Variants in HIVEP2 observed in about 807,000 individuals in gnomAD.
HIVEP2 encodes transcription factor HIVEP2.
Under a neutral mutation model 180.7 loss-of-function variants are expected in HIVEP2, and 14 were observed. That is an observed-to-expected ratio of 0.08 (90% confidence interval 0.05 to 0.12). The LOEUF (loss-of-function observed/expected upper bound fraction) is 0.12. Among genes scored for constraint, HIVEP2 ranks in the 10% least tolerant of loss-of-function variants. The pLI, the probability that HIVEP2 is intolerant of heterozygous loss-of-function variation, is 1.00. For missense variants in HIVEP2, 2,579 were observed against 3,008.5 expected (o/e 0.86, Z 3.34); for synonymous variants, 1,184 against 1,136.4 (o/e 1.04, Z -0.84).
At chr6:142,768,753 A>G (rs1392630995) in intron 5 of HIVEP2, among the ~76,000 whole-genome samples, 2 of 149,892 alleles carry the variant, frequency 1.3e-5, no homozygotes, top group Non-Finnish European at 2.9e-5. Context: ...ATATATAATA[A>G]GTACATATAT....
intron 2 of HIVEP2, among the ~76,000 whole-genome samples, chr6:142,798,263 C>A (rs745473255): frequency 6.6e-6 from 1 of 150,876 alleles, no homozygotes; most frequent in Non-Finnish European, 1.5e-5. Flanking sequence ...AGTGAGACTT[C>A]GTCTCAAAAA....
At chr6:142,790,485 T>A (rs1206011042) in intron 2 of HIVEP2, among the ~76,000 whole-genome samples, 1 of 152,168 alleles carries the variant, frequency 6.6e-6, no homozygotes, top group Admixed American at 6.5e-5. Context: ...GCAAAAAAGG[T>A]GTATTTGACT....
At chr6:142,877,024 G>T (rs1315921725) in intron 1 of HIVEP2, among the ~76,000 whole-genome samples, 1 of 152,180 alleles carries the variant, frequency 6.6e-6, no homozygotes, top group Non-Finnish European at 1.5e-5. Context: ...ACTCCAGGGG[G>T]TGCAACAGAG....
chr6:142,794,049 T>C (rs900497154), intron 2 of HIVEP2: 1 of 152,124 alleles, frequency 6.6e-6, no homozygotes, highest in Non-Finnish European at 1.5e-5. Context: ...CAGGAAGAAT[T>C]TTATTTTTAT....
At chr6:142,937,589 C>A (rs1165591229) in intron 1 of HIVEP2, among the ~76,000 whole-genome samples, 1 of 152,156 alleles carries the variant, frequency 6.6e-6, no homozygotes, top group Non-Finnish European at 1.5e-5. Flanking sequence ...ACCTGTTTAT[C>A]CATATACTAC....
chr6:142,754,967 G>A (rs1323073321), intron 9 of HIVEP2, among the ~76,000 whole-genome samples: 1 of 152,060 alleles, frequency 6.6e-6, no homozygotes, highest in South Asian at 2.1e-4. Flanking sequence ...CATCTAAAAA[G>A]GACTTCATTT....
chr6:142,892,320 A>T (rs568261508), intron 1 of HIVEP2, among the ~76,000 whole-genome samples: 44 of 152,296 alleles, frequency 2.9e-4, no homozygotes, highest in African/African-American at 9.6e-4. Context: ...GTCTAAGGGC[A>T]CCTGGCTAAA....
intron 1 of HIVEP2, among the ~76,000 whole-genome samples, chr6:142,922,670 C>T (rs561758261): frequency 6.6e-6 from 1 of 152,170 alleles, no homozygotes; most frequent in Non-Finnish European, 1.5e-5. Context: ...TGAGACAGTA[C>T]TCAAACCCAG....
At chr6:142,945,476 G>A (rs1778304226), upstream of HIVEP2, among the ~76,000 whole-genome samples, 1 of 152,050 alleles carries the variant, frequency 6.6e-6, no homozygotes, top group South Asian at 2.1e-4. The surrounding 1 kb of genome is among the most constrained non-coding windows in gnomAD (Gnocchi z 5.5). Flanking sequence ...AAAACCCAGC[G>A]TCCAGGCCAC....
chr6:142,837,577 A>G (rs1775256636), intron 1 of HIVEP2, among the ~76,000 whole-genome samples: 1 of 152,108 alleles, frequency 6.6e-6, no homozygotes, highest in Non-Finnish European at 1.5e-5. Flanking sequence ...TGGATTTCCA[A>G]ATCATTCTGA....
chr6:142,895,088 T>C (rs930451996), intron 1 of HIVEP2, among the ~76,000 whole-genome samples: 3 of 152,192 alleles, frequency 2.0e-5, no homozygotes, highest in Admixed American at 1.3e-4. Flanking sequence ...ATTTTAAAAG[T>C]TGTTGGGAAA....
chr6:142,753,152 T>C lies in HIVEP2; in HGVS notation c.7296A>G (p.Thr2432=). 6.2e-7 allele frequency: 1 copy of C among 1,613,210 alleles called. No individual in the cohort carries two copies. Among genetic ancestry groups the C allele is most frequent in the Non-Finnish European group, 8.5e-7 (1 of 1,179,096 alleles). Residue 2432 remains threonine, a synonymous_variant, in exon 10 of 10, where the codon ACA becomes ACG. Coordinates refer to ENST00000367603, the MANE Select transcript of HIVEP2 (RefSeq NM_006734.4). The part of the protein sequence containing the change: ...FHSSKELSSS[T]EESKDPSSEK... ...CTGATGAAGGATCTTTGCTTTCCTCTGTGCTTGAAGATAATTCCTTGCTGC... is the reference window on the plus strand; with the variant it reads ...CTGATGAAGGATCTTTGCTTTCCTCCGTGCTTGAAGATAATTCCTTGCTGC...
chr6:142,904,590 C>T (rs1777216858), intron 1 of HIVEP2, among the ~76,000 whole-genome samples: 1 of 152,046 alleles, frequency 6.6e-6, no homozygotes, highest in South Asian at 2.1e-4. Context: ...AATCATAATT[C>T]AATATGGATA....
intron 1 of HIVEP2, among the ~76,000 whole-genome samples, chr6:142,870,993 C>A (rs1175613918): frequency 1.3e-5 from 2 of 152,190 alleles, no homozygotes; most frequent in Admixed American, 6.5e-5. Context: ...TACACCTACT[C>A]TTCCCAACTT....
chr6:142,832,246 A>G (rs1406838049), intron 2 of HIVEP2, among the ~76,000 whole-genome samples: 1 of 151,932 alleles, frequency 6.6e-6, no homozygotes, highest in African/African-American at 2.4e-5. Context: ...AAAACCTCAC[A>G]AGCAATTATT....
chr6:142,824,510 A>G (rs1250311949), intron 2 of HIVEP2, among the ~76,000 whole-genome samples: 1 of 152,192 alleles, frequency 6.6e-6, no homozygotes, highest in African/African-American at 2.4e-5. Context: ...CAGAGGCCCC[A>G]TAAATACTGG....
At chr6:142,838,412 G>A (rs188459313) in intron 1 of HIVEP2, among the ~76,000 whole-genome samples, 13 of 152,182 alleles carry the variant, frequency 8.5e-5, no homozygotes, top group African/African-American at 3.1e-4. Context: ...AAATGGTTTG[G>A]TTATTTAAAA....
At chr6:142,834,751 C>T (rs1355790804) in intron 2 of HIVEP2, among the ~76,000 whole-genome samples, 1 of 151,982 alleles carries the variant, frequency 6.6e-6, no homozygotes, top group Non-Finnish European at 1.5e-5. Context: ...TCTTACTTTG[C>T]AAACTGTTTT....
At chr6:142,857,382 C>G (rs983597680) in intron 1 of HIVEP2, among the ~76,000 whole-genome samples, 2 of 152,178 alleles carry the variant, frequency 1.3e-5, no homozygotes, top group African/African-American at 4.8e-5. Flanking sequence ...GCCAAATGCT[C>G]TTATTTTGTA....
Sources: allele counts gnomAD v4.1 joint callset (sites outside exome capture counted in the v4.1 genomes callset), GRCh38; gene constraint gnomAD v4.1.1; non-coding constraint Gnocchi (gnomAD v3.1); transcripts MANE v1.5; gene names NCBI Gene and HGNC (gene_info 2026-07-23, HGNC 2026-07-21).